GTF2IRD1: variants seen among roughly 807,000 people sequenced by gnomAD.
GTF2IRD1 encodes the protein general transcription factor II-I repeat domain-containing protein 1.
In GTF2IRD1, 26 loss-of-function variants were observed where a neutral mutation model predicts 113.2. The observed-to-expected ratio is 0.23, with a 90% CI of 0.17 to 0.32. GTF2IRD1 has a LOEUF of 0.32. GTF2IRD1 is among the 10% of genes least tolerant of loss of function. GTF2IRD1 has a pLI of 1.00. For missense variants in GTF2IRD1, 864 were observed against 1,280.8 expected (o/e 0.67, Z 4.97); for synonymous variants, 484 against 529.1 (o/e 0.91, Z 1.17).
chr7:74,505,884 C>G (rs1386088030), intron 1 of GTF2IRD1: 1 of 152,242 alleles, frequency 6.6e-6, no homozygotes, highest in Non-Finnish European at 1.5e-5. Flanking sequence ...CGGGTGTCAT[C>G]CAAGGCCTGT....
At position 74,520,089 on chromosome 7, in the gene GTF2IRD1, C is replaced by CAAAAAAAAAAAAAAAA. The variant is rs61019711; in HGVS notation, c.916+385_916+400dup. On this transcript the variant is annotated intron_variant, in intron 6 of 26. Transcript: ENST00000424337. ...CCTGGGTGACAGCACAGCTCTGTCT[C>CAAAAAAAAAAAAAAAA]AAAAAAAAAAAAAAAAAAAAAAAAA... Among the ~76,000 whole-genome samples the CAAAAAAAAAAAAAAAA allele has an allele frequency of 8.1e-5, 2 of 24,574 alleles. 1 individual carries two copies. Among genetic ancestry groups the CAAAAAAAAAAAAAAAA allele is most frequent in the Non-Finnish European group, 1.5e-4 (2 of 13,194 alleles). The allele number at this position is 24,574 out of a possible 152,430, so 16.1% of individuals were successfully genotyped here.
intron 22 of GTF2IRD1, among the ~76,000 whole-genome samples, chr7:74,584,761 A>G (rs1373605649): frequency 6.6e-6 from 1 of 152,018 alleles, no homozygotes; most frequent in Non-Finnish European, 1.5e-5. Flanking sequence ...TTGGCATAGT[A>G]AGTTTGGGGT....
At chr7:74,598,050 C>G (rs1205044326) in intron 25 of GTF2IRD1, among the ~76,000 whole-genome samples, 7 of 152,130 alleles carry the variant, frequency 4.6e-5, no homozygotes, top group Non-Finnish European at 8.8e-5. Flanking sequence ...GACCCTCCCT[C>G]CGTCTCTGCA....
At chr7:74,493,369 C>G (rs1795474861) in intron 1 of GTF2IRD1, among the ~76,000 whole-genome samples, 1 of 152,044 alleles carries the variant, frequency 6.6e-6, no homozygotes, top group South Asian at 2.1e-4. Flanking sequence ...GCCTTGGCCC[C>G]CAAAGTGCTG....
intron 1 of GTF2IRD1, among the ~76,000 whole-genome samples, chr7:74,473,337 G>A (rs557709464): frequency 1.1e-4 from 16 of 152,180 alleles, no homozygotes; most frequent in Non-Finnish European, 2.4e-4. Flanking sequence ...GGTTTATTCT[G>A]GTATTGCTGT....
At chr7:74,500,316 C>T (rs113069403) in intron 1 of GTF2IRD1, among the ~76,000 whole-genome samples, 71 of 151,950 alleles carry the variant, frequency 4.7e-4, no homozygotes, top group African/African-American at 1.6e-3. Flanking sequence ...TGGTGGCTCT[C>T]GCCTGTAATC....
chr7:74,488,770 G>T (rs1222557682), intron 1 of GTF2IRD1, among the ~76,000 whole-genome samples: 1 of 150,618 alleles, frequency 6.6e-6, no homozygotes, highest in Non-Finnish European at 1.5e-5. Context: ...GAGAGAGAGA[G>T]AGAAGAAAAG....
At chr7:74,477,797 G>A (rs190080217) in intron 1 of GTF2IRD1, among the ~76,000 whole-genome samples, 116 of 152,276 alleles carry the variant, frequency 7.6e-4, no homozygotes, top group Admixed American at 1.6e-3. Context: ...GTGAGCCAGC[G>A]CCCCAGGATT....
chr7:74,474,074 AAAAAAAAC>A (rs1188828105), intron 1 of GTF2IRD1, among the ~76,000 whole-genome samples: 3 of 95,424 alleles, frequency 3.1e-5, no homozygotes, highest in African/African-American at 9.1e-5. Context: ...AAATACAAAA[AAAAAAAAC>A]AAACAAAAAA....
chr7:74,490,357 GC>G (rs1275897633), intron 1 of GTF2IRD1, among the ~76,000 whole-genome samples: 6 of 152,204 alleles, frequency 3.9e-5, no homozygotes, highest in African/African-American at 1.4e-4. Flanking sequence ...CCAGAGCCTG[GC>G]CTGAGCAGAT....
At chr7:74,493,738 G>A (rs1554337299) in intron 1 of GTF2IRD1, among the ~76,000 whole-genome samples, 1 of 151,950 alleles carries the variant, frequency 6.6e-6, no homozygotes, top group African/African-American at 2.4e-5. Context: ...TCTCATTTAT[G>A]TGGACTCCCT....
chr7:74,566,256 C>G (rs1181022514), intron 22 of GTF2IRD1, among the ~76,000 whole-genome samples: 1 of 152,228 alleles, frequency 6.6e-6, no homozygotes. Flanking sequence ...TCTGTTCCCT[C>G]TTCAGGCTGT....
At chr7:74,597,791 G>A (rs1464576221) in intron 25 of GTF2IRD1, among the ~76,000 whole-genome samples, 5 of 152,230 alleles carry the variant, frequency 3.3e-5, no homozygotes, top group Non-Finnish European at 7.3e-5. Flanking sequence ...CAGATGCTGT[G>A]TAGACCCTGC....
chr7:74,594,824 C>T (rs587623626), intron 24 of GTF2IRD1, among the ~76,000 whole-genome samples, 190 bp from the exon 25 acceptor site: 101 of 151,840 alleles, frequency 6.7e-4, no homozygotes, highest in African/African-American at 2.0e-3. Flanking sequence ...TGGTGGCGGG[C>T]GCCTGTAGTC....
chr7:74,552,924 G>A (rs1280592718), intron 17 of GTF2IRD1, among the ~76,000 whole-genome samples: 2 of 151,630 alleles, frequency 1.3e-5, no homozygotes, highest in Admixed American at 6.6e-5. Flanking sequence ...TGCAACCTCC[G>A]CCTCCCGGGT....
Position 74,519,399 on chromosome 7 carries a change from C to G in GTF2IRD1, c.606-10C>G. ...TACAAAGCTGTCCATGTGTCCTCTC[C>G]TTTACTCAGGCCACTTGAGGATGGC... is the stretch of plus-strand genomic sequence containing the variant. On this transcript the variant is annotated splice_polypyrimidine_tract_variant and intron_variant, in intron 5 of 26. Transcript: ENST00000424337. 1 of 1,515,764 alleles carries G rather than the reference C, an allele frequency of 6.6e-7. No homozygotes were observed. The highest frequency in any genetic ancestry group is 8.8e-7 in the Non-Finnish European group (1 of 1,131,646). 93.9% of individuals were successfully genotyped at this position (1,515,764 alleles called of 1,614,324 possible).
chr7:74,497,225 A>G (rs1554338313), intron 1 of GTF2IRD1, among the ~76,000 whole-genome samples: 15 of 152,210 alleles, frequency 9.9e-5, no homozygotes, highest in Non-Finnish European at 7.3e-5. Flanking sequence ...ACCTCTGGGT[A>G]TATACCCCAA....
intron 3 of GTF2IRD1, among the ~76,000 whole-genome samples, chr7:74,514,404 C>T (rs1554343928): frequency 6.6e-6 from 1 of 152,118 alleles, no homozygotes; most frequent in Non-Finnish European, 1.5e-5. Flanking sequence ...GTGTGGCACC[C>T]CAGCCGCCCA....
intron 1 of GTF2IRD1, among the ~76,000 whole-genome samples, chr7:74,477,365 A>G (rs1326996887): frequency 6.7e-6 from 1 of 149,350 alleles, no homozygotes; most frequent in African/African-American, 2.5e-5. Flanking sequence ...TTTGTGTCCA[A>G]AAAAAAAAGA....
Sources: allele counts gnomAD v4.1 joint callset (sites outside exome capture counted in the v4.1 genomes callset), GRCh38; gene constraint gnomAD v4.1.1; transcripts MANE v1.5; gene names NCBI Gene and HGNC (gene_info 2026-07-23, HGNC 2026-07-21).